The following CDH18 variants were observed in gnomAD, a reference collection of about 807,000 sequenced individuals.
CDH18 encodes cadherin-18.
CDH18 carries 31 observed loss-of-function variants against 67.9 expected under a neutral mutation model. The observed-to-expected ratio is 0.46, with a 90% confidence interval of 0.34 to 0.62. CDH18 has a LOEUF of 0.62. Among genes scored for constraint, CDH18 ranks in the 20% least tolerant of loss-of-function variants. The pLI is 0.01. For synonymous variants in CDH18, 362 were observed against 347.2 expected (o/e 1.04, Z -0.48); for missense variants, 890 against 975.5 (o/e 0.91, Z 1.17).
At chr5:19,955,438 T>C (rs1394721317) in intron 2 of CDH18, among the ~76,000 whole-genome samples, 2 of 152,110 alleles carry the variant, frequency 1.3e-5, no homozygotes, top group Non-Finnish European at 2.9e-5. Flanking sequence ...GGAATTCTGA[T>C]AAAGCTGTGA....
chr5:20,447,187 TCA>T (rs771574668), intron 1 of CDH18, among the ~76,000 whole-genome samples: 1 of 152,192 alleles, frequency 6.6e-6, no homozygotes, highest in African/African-American at 2.4e-5. Flanking sequence ...TCTGTTTTTC[TCA>T]GTGTCCTTCT....
intron 5 of CDH18, among the ~76,000 whole-genome samples, chr5:19,648,135 C>T (rs886246109): frequency 1.3e-5 from 2 of 152,166 alleles, no homozygotes; most frequent in African/African-American, 4.8e-5. Flanking sequence ...GAGAAGCAGG[C>T]TGGGTGCAAT....
At chr5:19,577,447 C>A (rs1242692393) in intron 7 of CDH18, among the ~76,000 whole-genome samples, 1 of 152,084 alleles carries the variant, frequency 6.6e-6, no homozygotes, top group Non-Finnish European at 1.5e-5. Flanking sequence ...CATTTTCCCC[C>A]TGTTGGAATG....
chr5:19,634,256 G>A lies in CDH18; in HGVS notation c.644-21655C>T, dbSNP rs79824754. Among the ~76,000 whole-genome samples the A allele has an allele frequency of 2.1e-3, 325 of 152,262 alleles. 3 individuals carry two copies. Among genetic ancestry groups the A allele is most frequent in the Non-Finnish European group, 3.7e-3 (250 of 68,012 alleles). ...AATAACAACGTTGTTATTTACTAAA[G>A]TCAGATGATGCTTTCTTTTCTTTTT... On this transcript the variant is annotated intron_variant, in intron 5 of 12. Coordinates refer to ENST00000382275, the MANE Select transcript of CDH18 (RefSeq NM_004934.5).
At chr5:19,671,968 A>C (rs1390608856) in intron 5 of CDH18, among the ~76,000 whole-genome samples, 1 of 152,146 alleles carries the variant, frequency 6.6e-6, no homozygotes, top group East Asian at 1.9e-4. Flanking sequence ...AGGTATTCAC[A>C]GTCAATGCAA....
intron 1 of CDH18, among the ~76,000 whole-genome samples, chr5:20,318,829 A>G (rs1401550600): frequency 6.6e-6 from 1 of 152,200 alleles, no homozygotes; most frequent in Non-Finnish European, 1.5e-5. Flanking sequence ...ACATATGTAT[A>G]CAGGCAAATC....
At position 20,413,458 on chromosome 5, in the gene CDH18, G is replaced by T. The variant is rs542815382; in HGVS notation, c.-579-157953C>A. 1.6e-4 allele frequency among the ~76,000 whole-genome samples: 24 copies of T among 152,094 alleles called. No homozygotes were observed. The South Asian group carries it at 3.5e-3, about 22-fold the overall frequency. On this transcript the variant is annotated intron_variant, in intron 1 of 14. Coordinates refer to the CDH18 transcript ENST00000507958. Reference sequence around the variant, plus strand: ...GTAAAAGCATTCCTATTTCTCCACAGCCTCTCCAGCACCTGTTGTTTCCTG... The same window carrying T: ...GTAAAAGCATTCCTATTTCTCCACATCCTCTCCAGCACCTGTTGTTTCCTG...
At chr5:20,513,626 G>T (rs1055800766) in intron 1 of CDH18, among the ~76,000 whole-genome samples, 1 of 151,942 alleles carries the variant, frequency 6.6e-6, no homozygotes, top group African/African-American at 2.4e-5. Context: ...TCAAATAAAG[G>T]TTTCAAAAGT....
intron 11 of CDH18, among the ~76,000 whole-genome samples, chr5:19,490,394 G>GGTTTTTTTTTTTTTTTTT (rs1741223437): frequency 1.7e-5 from 1 of 60,210 alleles, no homozygotes; most frequent in African/African-American, 6.7e-5. Context: ...ATAAAAATCT[G>GGTTTTTTTTTTTTTTTTT]TTTTTTTTTT....
intron 1 of CDH18, among the ~76,000 whole-genome samples, chr5:20,501,605 T>TATTATATATATATATTATATATATATA (rs1754328254): frequency 1.9e-5 from 2 of 107,020 alleles, no homozygotes; most frequent in Non-Finnish European, 3.6e-5. Flanking sequence ...TATATATATA[T>TATTATATATATATATTATATATATATA]ATATATATAT....
chr5:20,353,672 A>C (rs2150061067), intron 1 of CDH18, among the ~76,000 whole-genome samples: 1 of 152,274 alleles, frequency 6.6e-6, no homozygotes, highest in Admixed American at 6.5e-5. Flanking sequence ...TTGGCAACAA[A>C]GTCTCTTCAG....
At chr5:20,408,645 A>G (rs1189118506) in intron 1 of CDH18, among the ~76,000 whole-genome samples, 1 of 151,888 alleles carries the variant, frequency 6.6e-6, no homozygotes, top group African/African-American at 2.4e-5. Context: ...AAATAAAAAT[A>G]CAAAGCAAGA....
chr5:19,545,764 G>T (rs1326888948), intron 8 of CDH18, among the ~76,000 whole-genome samples: 1 of 152,112 alleles, frequency 6.6e-6, no homozygotes, highest in Admixed American at 6.6e-5. Flanking sequence ...TGCCTTAAAT[G>T]CCCATTAGAT....
intron 4 of CDH18, among the ~76,000 whole-genome samples, chr5:19,725,929 A>G (rs1047142902): frequency 6.6e-6 from 1 of 152,258 alleles, no homozygotes; most frequent in Non-Finnish European, 1.5e-5. Context: ...AGGTTTTGAA[A>G]TTAGCTCTGG....
intron 1 of CDH18, among the ~76,000 whole-genome samples, chr5:20,450,219 C>A (rs909519005): frequency 6.6e-6 from 1 of 151,948 alleles, no homozygotes; most frequent in East Asian, 1.9e-4. Context: ...TGGTGGCACA[C>A]GCCTGTAATC....
intron 1 of CDH18, among the ~76,000 whole-genome samples, chr5:20,284,864 C>T (rs1746564854): frequency 6.6e-6 from 1 of 151,734 alleles, no homozygotes; most frequent in South Asian, 2.1e-4. Context: ...TGTTTCATAG[C>T]CATAGTGTAG....
chr5:19,559,915 C>CAAAAAA (rs754748614), intron 8 of CDH18, among the ~76,000 whole-genome samples: 2,915 of 130,150 alleles, frequency 0.022, 70 homozygotes, highest in Non-Finnish European at 0.032. Context: ...ATAATAGTTG[C>CAAAAAA]AAAAACAAAC....
intron 5 of CDH18, among the ~76,000 whole-genome samples, chr5:19,718,760 A>T (rs1765646521): frequency 6.6e-6 from 1 of 151,988 alleles, no homozygotes; most frequent in Non-Finnish European, 1.5e-5. Context: ...ATCAAAGTGG[A>T]GGCATGTACT....
At chr5:20,268,390 C>A (rs111772630) in intron 1 of CDH18, among the ~76,000 whole-genome samples, 53 of 152,226 alleles carry the variant, frequency 3.5e-4, no homozygotes, top group African/African-American at 1.3e-3. Context: ...TCATTTATTT[C>A]TTTCTCTTGC....
Sources: gnomAD v4.1 joint callset for allele counts (sites outside exome capture counted in the v4.1 genomes callset) on GRCh38, gnomAD v4.1.1 for gene constraint, MANE v1.5 for transcripts, NCBI Gene and HGNC (gene_info 2026-07-23, HGNC 2026-07-21) for gene names.